Variants in RSBN1L observed in about 807,000 individuals in gnomAD.
RSBN1L encodes the protein lysine-specific demethylase RSBN1L.
Under a neutral mutation model 67.7 loss-of-function variants are expected in RSBN1L, and 30 were observed. The ratio of observed to expected loss-of-function variants is 0.44; its 90% CI spans 0.33 to 0.60. The LOEUF (loss-of-function observed/expected upper bound fraction) is 0.60, where lower values mean the gene tolerates loss of function less well. Ranked by LOEUF, RSBN1L falls within the 20% of genes least tolerant of loss-of-function variation. The pLI is 0.02. For missense variants in RSBN1L, 992 were observed against 1,031.7 expected (o/e 0.96, Z 0.53); for synonymous variants, 433 against 387.0 (o/e 1.12, Z -1.39).
chr7:77,748,481 T>C (rs768092313), intron 2 of RSBN1L, among the ~76,000 whole-genome samples: 5 of 152,126 alleles, frequency 3.3e-5, no homozygotes, highest in Admixed American at 2.0e-4. Context: ...TAGATGATTC[T>C]TTTTTTCTTT....
intron 3 of RSBN1L, among the ~76,000 whole-genome samples, chr7:77,760,266 C>A (rs1333031488): frequency 6.6e-6 from 1 of 151,896 alleles, no homozygotes; most frequent in African/African-American, 2.4e-5. Context: ...TTATGTTAAC[C>A]AAAGCTTCTC....
chr7:77,704,945 C>G (rs1019379423), intron 1 of RSBN1L, among the ~76,000 whole-genome samples: 1 of 151,648 alleles, frequency 6.6e-6, no homozygotes, highest in African/African-American at 2.4e-5. Flanking sequence ...GCACTTGACC[C>G]TGGGCGACAG....
rs1056246208 is a variant in RSBN1L, at chr7:77,780,974, A to C, written c.*1806A>C. The C allele has an allele frequency of 1.3e-5, 2 of 152,222 alleles. No individual in the cohort carries two copies. The highest frequency in any genetic ancestry group is 6.5e-5 in the Admixed American group (1 of 15,276). The allele number at this position is 152,222 out of a possible 1,614,324, so 9.4% of individuals were successfully genotyped here. ...TTATTCTGGGCACATACTTTGGTTG[A>C]TGACTTTCAATTGGGGTTCTTTGTG... is the stretch of plus-strand genomic sequence containing the variant. On this transcript the variant is annotated 3_prime_UTR_variant, in exon 8 of 8. Coordinates refer to ENST00000334955, the MANE Select transcript of RSBN1L (RefSeq NM_198467.3).
In RSBN1L at chr7:77,749,619, T is replaced by G; in HGVS notation, c.899T>G (p.Ile300Arg). 1 of 1,613,970 alleles carries G rather than the reference T, an allele frequency of 6.2e-7. No individual in the cohort carries two copies. Among genetic ancestry groups the G allele is most frequent in the Non-Finnish European group, 8.5e-7 (1 of 1,179,978 alleles). ...QAAKGILNDN[I>R]KDYVGKNLDT... Reference sequence around the variant, plus strand: ...GCCAAAGGCATCCTAAATGATAACATAAAAGATTACGTTGGGAAGAATTTG... The same window carrying G: ...GCCAAAGGCATCCTAAATGATAACAGAAAAGATTACGTTGGGAAGAATTTG... The change falls in exon 3 of 8, where the codon ATA (isoleucine) becomes AGA (arginine). Residue 300 changes from isoleucine to arginine, a missense_variant. Ile to Arg is a moderately conservative substitution (Grantham distance 97). Transcript: ENST00000334955.
intron 1 of RSBN1L, among the ~76,000 whole-genome samples, chr7:77,698,754 C>G (rs1269289786): frequency 6.6e-6 from 1 of 152,014 alleles, no homozygotes; most frequent in Non-Finnish European, 1.5e-5. Context: ...TTCCCATGAC[C>G]TATGTGGGTT....
chr7:77,743,365 G>A (rs1791439616), intron 2 of RSBN1L, among the ~76,000 whole-genome samples: 1 of 152,028 alleles, frequency 6.6e-6, no homozygotes, highest in Non-Finnish European at 1.5e-5. Context: ...TTGGGAGGCC[G>A]AGACGGGTGG....
In RSBN1L at chr7:77,750,027, A is replaced by G; in HGVS notation, c.1307A>G (p.Asp436Gly). The G allele has an allele frequency of 1.9e-6, 3 of 1,611,112 alleles. No homozygotes were observed. Among genetic ancestry groups the G allele is most frequent in the Non-Finnish European group, 2.5e-6 (3 of 1,178,922 alleles). The change falls in exon 3 of 8, where the codon GAT becomes GGT. Residue 436 changes from aspartate (D) to glycine (G), a missense_variant. Transcript: ENST00000334955. The stretch of plus-strand genomic sequence containing the variant: ...AAAATGGAGATATTGGGAAAGAAAG[A>G]TATAGAGACAACGACTATGTCCAAT... The part of the protein sequence containing the change: ...PVKMEILGKK[D>G]IETTTMSNFH...
In RSBN1L at chr7:77,782,573, C is replaced by T. The variant is rs1792013015; in HGVS notation, c.*3405C>T. 1 of 152,068 alleles carries T rather than the reference C, an allele frequency of 6.6e-6. No individual in the cohort carries two copies. The highest frequency in any genetic ancestry group is 2.4e-5 in the African/African-American group (1 of 41,408). The allele number at this position is 152,068 out of a possible 1,614,324, so 9.4% of individuals were successfully genotyped here. The stretch of plus-strand genomic sequence containing the variant: ...CTTCCTTGTCACCAAGGCTGTTGAC[C>T]TTAAATAAACATTAAGTTGATTTTG... On this transcript the variant is annotated 3_prime_UTR_variant, in exon 8 of 8. Coordinates refer to ENST00000334955, the MANE Select transcript of RSBN1L (RefSeq NM_198467.3).
chr7:77,718,939 T>A (rs1791081700), intron 1 of RSBN1L, among the ~76,000 whole-genome samples: 1 of 152,232 alleles, frequency 6.6e-6, no homozygotes, highest in Non-Finnish European at 1.5e-5. Context: ...TGCTGTGTTA[T>A]GTATGGCTAG....
At chr7:77,736,376 T>C in intron 1 of RSBN1L, 34 bp from the exon 2 acceptor site, 2 of 928,540 alleles carry the variant, frequency 2.2e-6, no homozygotes, top group South Asian at 2.8e-5. Context: ...TGTAATTTTT[T>C]CATTTTAAAT....
chr7:77,737,689 C>T (rs1355611103), intron 2 of RSBN1L, among the ~76,000 whole-genome samples: 2 of 152,066 alleles, frequency 1.3e-5, no homozygotes, highest in African/African-American at 4.8e-5. Context: ...TGAATATAAC[C>T]ACACTAGTTA....
chr7:77,771,536 G>T (rs1243057069), intron 5 of RSBN1L, among the ~76,000 whole-genome samples: 6 of 140,872 alleles, frequency 4.3e-5, no homozygotes, highest in Non-Finnish European at 7.6e-5. Flanking sequence ...TTGAGATAGA[G>T]TCTAGCTCTG....
chr7:77,768,875 T>C, intron 5 of RSBN1L, 72 bp downstream of exon 5: 1 of 1,370,962 alleles, frequency 7.3e-7, no homozygotes, highest in South Asian at 1.3e-5. Context: ...TAGTTGAAAA[T>C]TGGAGGAAGG....
intron 1 of RSBN1L, among the ~76,000 whole-genome samples, chr7:77,720,003 C>T (rs1791094830): frequency 6.6e-6 from 1 of 152,160 alleles, no homozygotes; most frequent in Non-Finnish European, 1.5e-5. Context: ...GGCCTCAAGC[C>T]ATCCTCCCAC....
chr7:77,767,632 C>T (rs1345394113), intron 4 of RSBN1L, among the ~76,000 whole-genome samples: 1 of 151,894 alleles, frequency 6.6e-6, no homozygotes, highest in Admixed American at 6.5e-5. Flanking sequence ...GCCTCAGCCT[C>T]CTGAAGTGTT....
intron 1 of RSBN1L, among the ~76,000 whole-genome samples, chr7:77,710,346 T>C (rs1157718390): frequency 6.6e-6 from 1 of 152,198 alleles, no homozygotes; most frequent in Non-Finnish European, 1.5e-5. Flanking sequence ...TTGAAATGTC[T>C]TCCACAGCTC....
intron 1 of RSBN1L, among the ~76,000 whole-genome samples, chr7:77,713,680 A>T (rs11766142): frequency 0.25 from 34,993 of 142,070 alleles, 4,302 homozygotes; most frequent in South Asian, 0.31. Context: ...TTTTTTTTTT[A>T]AAAATAGAGA....
intron 1 of RSBN1L, among the ~76,000 whole-genome samples, chr7:77,724,059 T>A (rs376485691): frequency 3.9e-5 from 6 of 152,208 alleles, no homozygotes; most frequent in Admixed American, 3.3e-4. Context: ...ATTACAGGCA[T>A]GAATGAGCCT....
Position 77,779,388 on chromosome 7 carries a change from T to A in RSBN1L, c.*220T>A, listed in dbSNP as rs1791964214. Reference sequence around the variant, plus strand: ...GCAGGTTTAAACATAAAGGAGTCTTTAAAAAAAAATCATTTACGTTGGAAT... The same window carrying A: ...GCAGGTTTAAACATAAAGGAGTCTTAAAAAAAAAATCATTTACGTTGGAAT... On this transcript the variant is annotated 3_prime_UTR_variant, in exon 8 of 8. Transcript: ENST00000334955. 116 of 279,856 alleles carry A rather than the reference T, an allele frequency of 4.1e-4. No homozygotes were observed. The highest frequency in any genetic ancestry group is 1.1e-3 in the Middle Eastern group (1 of 914). The allele number at this position is 279,856 out of a possible 1,614,324, so 17.3% of individuals were successfully genotyped here. A position where few individuals can be genotyped will look rare whatever the true frequency, so the allele number is the denominator to read the frequency against.
Sources: gnomAD v4.1 joint callset for allele counts (sites outside exome capture counted in the v4.1 genomes callset) on GRCh38, gnomAD v4.1.1 for gene constraint, MANE v1.5 for transcripts, NCBI Gene and HGNC (gene_info 2026-07-23, HGNC 2026-07-21) for gene names.